Variants in MTF1 observed in about 807,000 individuals in gnomAD.
MTF1 encodes the protein MRE-binding transcription factor.
Under a neutral mutation model 70.4 loss-of-function variants are expected in MTF1, and 22 were observed. The ratio of observed to expected loss-of-function variants is 0.31; its 90% CI spans 0.22 to 0.45. The LOEUF (loss-of-function observed/expected upper bound fraction) is 0.45, where lower values mean the gene tolerates loss of function less well. Ranked by LOEUF, MTF1 falls within the 20% of genes least tolerant of loss-of-function variation. The probability of loss-of-function intolerance (pLI) is 1.00; values close to 1 mark genes in which losing one functional copy is unlikely to be tolerated. For missense variants in MTF1, 649 were observed against 922.0 expected (o/e 0.70, Z 3.83); for synonymous variants, 333 against 352.8 (o/e 0.94, Z 0.63).
intron 7 of MTF1, among the ~76,000 whole-genome samples, chr1:37,829,784 CAA>C (rs57820411): frequency 1.2e-4 from 13 of 105,816 alleles, no homozygotes; most frequent in South Asian, 3.0e-4. Context: ...GACTCTGTCT[CAA>C]AAAAAAAAAA....
Position 37,835,113 on chromosome 1 carries a change from G to A in MTF1, c.956C>T (p.Ser319Leu), listed in dbSNP as rs758597371. 9 of 1,614,016 alleles carry A rather than the reference G, an allele frequency of 5.6e-6. No homozygotes were observed. The African/African-American group carries it at 1.1e-4, about 19-fold the overall frequency. ...HMKGHDNKGH[S>L]YNALPQHNGS... ...ATTGTGTTGTGGAAGTGCATTGTAT[G>A]AGTGTCCTTTGTTATCATGACCTTT... The change falls in exon 6 of 11, where the codon TCA (serine) becomes TTA (leucine). Residue 319 changes from serine (S) to leucine (L), a missense_variant. Physicochemically the swap from Ser to Leu is moderately radical, Grantham distance 145. Coordinates refer to ENST00000373036, the MANE Select transcript of MTF1 (RefSeq NM_005955.3).
At chr1:37,849,136 T>C (rs1445412668) in intron 2 of MTF1, among the ~76,000 whole-genome samples, 8 of 152,166 alleles carry the variant, frequency 5.3e-5, no homozygotes, top group African/African-American at 9.7e-5. Flanking sequence ...CCTAAAAACA[T>C]TGCTGTAGGC....
At chr1:37,843,977 C>T (rs1282179411) in intron 2 of MTF1, among the ~76,000 whole-genome samples, 1 of 150,888 alleles carries the variant, frequency 6.6e-6, no homozygotes, top group Non-Finnish European at 1.5e-5. Flanking sequence ...ACAGAAGAAG[C>T]TCCATAAATA....
intron 7 of MTF1, among the ~76,000 whole-genome samples, chr1:37,827,736 C>T (rs1353367235): frequency 1.3e-5 from 2 of 152,134 alleles, no homozygotes; most frequent in African/African-American, 4.8e-5. Flanking sequence ...GTTTATAAAT[C>T]ATTATAGGTA....
intron 2 of MTF1, among the ~76,000 whole-genome samples, chr1:37,844,075 A>G (rs1481897820): frequency 6.6e-6 from 1 of 152,206 alleles, no homozygotes; most frequent in African/African-American, 2.4e-5. Flanking sequence ...TTGTTGCCAG[A>G]TTAAGTCTAA....
intron 3 of MTF1, 41 bp from the exon 4 acceptor site, chr1:37,838,797 C>CATTTT: frequency 2.1e-6 from 1 of 473,688 alleles, no homozygotes; most frequent in Admixed American, 7.8e-5. Flanking sequence ...TCATAAAATT[C>CATTTT]TTTTTTTTTT....
intron 3 of MTF1, among the ~76,000 whole-genome samples, chr1:37,838,995 G>A (rs1268300984): frequency 2.0e-5 from 3 of 151,232 alleles, no homozygotes; most frequent in Non-Finnish European, 2.9e-5. Flanking sequence ...AGTACAACGG[G>A]GTTTCACCAG....
intron 1 of MTF1, 48 bp from the exon 2 acceptor site, chr1:37,857,757 G>C: frequency 8.7e-7 from 1 of 1,149,042 alleles, no homozygotes. Context: ...AAGACCGACG[G>C]ACCTCCTCAG....
intron 3 of MTF1, 135 bp from the exon 4 acceptor site, chr1:37,838,891 T>A: frequency 1.6e-6 from 1 of 609,490 alleles, no homozygotes; most frequent in Non-Finnish European, 2.4e-6. Context: ...TGCAACCTCC[T>A]CCTGCTAGGT....
chr1:37,841,043 A>T (rs1641247500), intron 2 of MTF1: 1 of 214,456 alleles, frequency 4.7e-6, no homozygotes. Context: ...GTCCCTGGAG[A>T]AGGTCTAGCT....
At chr1:37,855,445 G>GAA (rs1641475759) in intron 2 of MTF1, among the ~76,000 whole-genome samples, 1 of 152,202 alleles carries the variant, frequency 6.6e-6, no homozygotes, top group South Asian at 2.1e-4. Flanking sequence ...GCCATAGGGA[G>GAA]ATTTCTGCAT....
intron 1 of MTF1, among the ~76,000 whole-genome samples, chr1:37,858,027 A>AAAAAG: frequency 6.6e-6 from 1 of 151,686 alleles, no homozygotes; most frequent in African/African-American, 2.4e-5. Flanking sequence ...AAAAAAAAAA[A>AAAAAG]AAAAGAAAAA....
At chr1:37,834,733 G>C in intron 6 of MTF1, 1 of 483,432 alleles carries the variant, frequency 2.1e-6, no homozygotes, top group Non-Finnish European at 4.1e-6. Flanking sequence ...AGGATGAGCT[G>C]GCAGACTTTG....
intron 7 of MTF1, among the ~76,000 whole-genome samples, chr1:37,824,360 A>C (rs940639645): frequency 6.6e-6 from 1 of 152,212 alleles, no homozygotes; most frequent in Non-Finnish European, 1.5e-5. Flanking sequence ...ACCAAAAAAA[A>C]CCTTGCTGAC....
intron 7 of MTF1, among the ~76,000 whole-genome samples, chr1:37,827,013 G>A (rs1041370428): frequency 3.9e-5 from 6 of 152,040 alleles, no homozygotes; most frequent in Admixed American, 2.0e-4. Context: ...CTTCCAGTCC[G>A]GACAGAGTTA....
chr1:37,849,621 C>T (rs78036666), intron 2 of MTF1, among the ~76,000 whole-genome samples: 3,058 of 152,202 alleles, frequency 0.02, 108 homozygotes, highest in African/African-American at 0.07. Flanking sequence ...GGATACATCA[C>T]GTCACCAATG....
At position 37,815,693 on chromosome 1, in the gene MTF1, T is replaced by C; in HGVS notation, c.1832-127A>G. 1.5e-6 allele frequency: 1 copy of C among 674,162 alleles called. No individual in the cohort carries two copies. The highest frequency in any genetic ancestry group is 3.0e-5 in the Admixed American group (1 of 33,330). 41.8% of individuals were successfully genotyped at this position (674,162 alleles called of 1,614,324 possible). A position where few individuals can be genotyped will look rare whatever the true frequency, so the allele number is the denominator to read the frequency against. Reference sequence around the variant, plus strand: ...CCATGGGAAGGATGGTTGCCACACTTCGGGCTTCGTTCTGCTTTAAATTGG... The same window carrying C: ...CCATGGGAAGGATGGTTGCCACACTCCGGGCTTCGTTCTGCTTTAAATTGG... On this transcript the variant is annotated intron_variant, in intron 10 of 10. Coordinates refer to ENST00000373036, the MANE Select transcript of MTF1 (RefSeq NM_005955.3). This position sits in a 1 kb window ranked among gnomAD's most constrained non-coding sequence, Gnocchi z 4.5.
chr1:37,851,107 C>T (rs1641412684), intron 2 of MTF1, among the ~76,000 whole-genome samples: 1 of 152,176 alleles, frequency 6.6e-6, no homozygotes, highest in Non-Finnish European at 1.5e-5. Flanking sequence ...TAAGCTAAGA[C>T]AGTGCTTCAG....
chr1:37,827,120 A>G (rs1402785421), intron 7 of MTF1, among the ~76,000 whole-genome samples: 5 of 152,172 alleles, frequency 3.3e-5, no homozygotes, highest in South Asian at 2.1e-4. Flanking sequence ...TTCATATTAT[A>G]TACATATCCA....
Sources: gnomAD v4.1 joint callset for allele counts (sites outside exome capture counted in the v4.1 genomes callset) on GRCh38, gnomAD v4.1.1 for gene constraint, Gnocchi (gnomAD v3.1) non-coding constraint, MANE v1.5 for transcripts, NCBI Gene and HGNC (gene_info 2026-07-23, HGNC 2026-07-21) for gene names.